Variants in TGM1 observed in about 807,000 individuals in gnomAD.
TGM1 encodes transglutaminase 1.
TGM1 carries 63 observed loss-of-function variants against 88.7 expected under a neutral mutation model. That is an observed-to-expected ratio of 0.71 (90% confidence interval 0.58 to 0.88). TGM1 has a LOEUF of 0.88. TGM1 is among the 40% of genes least tolerant of loss of function. TGM1 has a pLI of 0.00. For synonymous variants in TGM1, 415 were observed against 431.1 expected (o/e 0.96, Z 0.46); for missense variants, 996 against 1,118.0 (o/e 0.89, Z 1.56).
intron 9 of TGM1, among the ~76,000 whole-genome samples, chr14:24,256,725 G>A (rs868199187): frequency 1.1e-4 from 16 of 152,140 alleles, no homozygotes; most frequent in Non-Finnish European, 1.5e-4. Context: ...CCATCCAACC[G>A]GAAAGAATCT....
At chr14:24,251,035 C>G (rs557869173) in intron 14 of TGM1, among the ~76,000 whole-genome samples, 3 of 152,188 alleles carry the variant, frequency 2.0e-5, no homozygotes, top group African/African-American at 4.8e-5. Context: ...ACTCCCTTTT[C>G]TACCACTTGT....
intron 9 of TGM1, among the ~76,000 whole-genome samples, chr14:24,256,735 T>A (rs1211715838): frequency 6.6e-6 from 1 of 152,092 alleles, no homozygotes; most frequent in Non-Finnish European, 1.5e-5. Context: ...GGAAAGAATC[T>A]TAGACAAGAC....
At position 24,259,863 on chromosome 14, in the gene TGM1, C is replaced by A. The variant is rs41293790; in HGVS notation, c.877-52G>T. 1 of 1,609,860 alleles carries A rather than the reference C, an allele frequency of 6.2e-7. No homozygotes were observed. Among genetic ancestry groups the A allele is most frequent in the Non-Finnish European group, 8.5e-7 (1 of 1,176,988 alleles). On this transcript the variant is annotated intron_variant, in intron 5 of 14. Transcript: ENST00000206765. This position sits in a 1 kb window ranked among gnomAD's most constrained non-coding sequence, Gnocchi z 5.7. ...TGACAGCCTGAACCCTAGGCCAGCA[C>A]CCTGCTCCAATACCCCAGCCCCCAC...
In TGM1 at chr14:24,260,059, CTG is replaced by C; in HGVS notation, c.758-3_758-2del. 4.3e-6 allele frequency: 7 copies of C among 1,611,998 alleles called. No homozygotes were observed. Among genetic ancestry groups the C allele is most frequent in the Non-Finnish European group, 5.9e-6 (7 of 1,178,018 alleles). ...TCATGGTCCACGTACACAATGTCCT[CTG>C]TGTCCCCAGAACACACAAAACTGGT... On this transcript the variant is annotated splice_acceptor_variant and splice_polypyrimidine_tract_variant and intron_variant, in intron 4 of 14. Coordinates refer to ENST00000206765, the MANE Select transcript of TGM1 (RefSeq NM_000359.3). LOFTEE classifies it high-confidence loss of function.
intron 14 of TGM1, 60 bp downstream of exon 14, chr14:24,254,084 TGGGAGCCA>T: frequency 6.4e-7 from 1 of 1,563,378 alleles, no homozygotes; most frequent in Non-Finnish European, 8.7e-7. Flanking sequence ...GGAGCAAAGC[TGGGAGCCA>T]GGGCAGCCTG....
Position 24,259,589 on chromosome 14 carries a change from G to A in TGM1, c.984+115C>T. On this transcript the variant is annotated intron_variant, in intron 6 of 14. Transcript: ENST00000206765. The surrounding 1 kb of genome is among the most constrained non-coding windows in gnomAD (Gnocchi z 5.7). ...CCCTTCCTGAAGTATCCTTTACGAG[G>A]GCAGGGACAGGGCTGGGGGTTCTTG... The A allele has an allele frequency of 2.3e-6, 2 of 884,676 alleles. No individual in the cohort carries two copies. Among genetic ancestry groups the A allele is most frequent in the South Asian group, 2.8e-5 (2 of 70,870 alleles). 54.8% of individuals were successfully genotyped at this position (884,676 alleles called of 1,614,324 possible).
At position 24,260,718 on chromosome 14, in the gene TGM1, A is replaced by G. The variant is rs2040802052; in HGVS notation, c.509-20T>C. 1 of 1,613,898 alleles carries G rather than the reference A, an allele frequency of 6.2e-7. No homozygotes were observed. The highest frequency in any genetic ancestry group is 8.5e-7 in the Non-Finnish European group (1 of 1,180,010). On this transcript the variant is annotated intron_variant, in intron 3 of 14. Transcript: ENST00000206765. Reference sequence around the variant, plus strand: ...TGTTTCCTAGAGTAGGAAATCAGCAATTAGCTGGCAAGGCCTCCCTGAGGA... The same window carrying G: ...TGTTTCCTAGAGTAGGAAATCAGCAGTTAGCTGGCAAGGCCTCCCTGAGGA...
chr14:24,259,028 T>C lies in TGM1; in HGVS notation c.1159+47A>G, dbSNP rs567572671. 106 of 1,609,660 alleles carry C rather than the reference T, an allele frequency of 6.6e-5. 2 individuals carry two copies. In the South Asian group the frequency reaches 1.0e-3, roughly 15 times the overall value. On this transcript the variant is annotated intron_variant, in intron 7 of 14. Transcript: ENST00000206765. The surrounding 1 kb of genome is among the most constrained non-coding windows in gnomAD (Gnocchi z 5.7). ...GCTGGGTAAGCCTGGCTTTCCTCCC[T>C]TCTCCCTGTAGGGCCCGGGCCACTC...
In TGM1 at chr14:24,262,283, A is replaced by G; in HGVS notation, c.70T>C (p.Ser24Pro). Reference sequence around the variant, plus strand: ...TCTGGCTCTGGCTCTGGCTCTGGAGATGGCGTGGTAGGGGGCTGCAAGGGG... The same window carrying G: ...TCTGGCTCTGGCTCTGGCTCTGGAGGTGGCGTGGTAGGGGGCTGCAAGGGG... ...GNPLQPPTTPSPEPEPEPDGR... is the reference protein window; with the variant it reads ...GNPLQPPTTPPPEPEPEPDGR... The change falls in exon 2 of 15, where the codon TCT becomes CCT. Residue 24 changes from serine (S) to proline (P), a missense_variant. Coordinates refer to ENST00000206765, the MANE Select transcript of TGM1 (RefSeq NM_000359.3). 6.2e-7 allele frequency: 1 copy of G among 1,613,584 alleles called. No individual in the cohort carries two copies. The highest frequency in any genetic ancestry group is 8.5e-7 in the Non-Finnish European group (1 of 1,179,982).
rs377049923 is a variant in TGM1, at chr14:24,259,263, G to A, written c.985-14C>T. ...CAGGGAGTTCACCTGCCCAGGACAG[G>A]ATGAGATAGGGCGGAGGTGGAGGAG... On this transcript the variant is annotated splice_polypyrimidine_tract_variant and intron_variant, in intron 6 of 14. Coordinates refer to ENST00000206765, the MANE Select transcript of TGM1 (RefSeq NM_000359.3). This position sits in a 1 kb window ranked among gnomAD's most constrained non-coding sequence, Gnocchi z 5.7. 6 of 1,607,628 alleles carry A rather than the reference G, an allele frequency of 3.7e-6. No individual in the cohort carries two copies. In the African/African-American group the frequency reaches 6.7e-5, roughly 18 times the overall value.
intron 9 of TGM1, 115 bp downstream of exon 9, chr14:24,258,170 C>G: frequency 1.3e-6 from 1 of 765,340 alleles, no homozygotes; most frequent in Non-Finnish European, 2.2e-6. Context: ...TTTAAGAAGC[C>G]GCGGGGTTAC....
In TGM1 at chr14:24,256,046, C is replaced by T. The variant is rs748725054; in HGVS notation, c.1434G>A (p.Glu478=). 1.9e-6 allele frequency: 3 copies of T among 1,570,978 alleles called. No individual in the cohort carries two copies. In the African/African-American group the frequency reaches 4.1e-5, roughly 21 times the overall value. The part of the protein sequence containing the change: ...GIFCCGPCSV[E]SIKNGLVYMK... ...TGTAGACCAGGCCATTCTTGATGGA[C>T]TCCACAGAGCAGGGGCCGCAGCAGA... The change falls in exon 10 of 15, where the codon GAG becomes GAA. Residue 478 remains glutamate, a synonymous_variant. Coordinates refer to ENST00000206765, the MANE Select transcript of TGM1 (RefSeq NM_000359.3).
At position 24,259,739 on chromosome 14, in the gene TGM1, C is replaced by T. The variant is rs1326741535; in HGVS notation, c.949G>A (p.Asp317Asn). ...ATGACCCGGGAGACATTGACTGGGTCTCCACGGCCTCCATATGGCATCCCC... is the reference window on the plus strand; with the variant it reads ...ATGACCCGGGAGACATTGACTGGGTTTCCACGGCCTCCATATGGCATCCCC... ...RRGMPYGGRG[D>N]PVNVSRVISA... Residue 317 changes from aspartate (D) to asparagine (N), a missense_variant, in exon 6 of 15, where the codon GAC becomes AAC. Physicochemically the swap from Asp to Asn is conservative, Grantham distance 23. Transcript: ENST00000206765. The surrounding 1 kb of genome is among the most constrained non-coding windows in gnomAD (Gnocchi z 5.7). The T allele has an allele frequency of 1.2e-6, 2 of 1,611,982 alleles. No individual in the cohort carries two copies. Among genetic ancestry groups the T allele is most frequent in the East Asian group, 2.2e-5 (1 of 44,834 alleles).
In TGM1 at chr14:24,255,425, G is replaced by A; in HGVS notation, c.1584C>T (p.Val528=). The part of the protein sequence containing the change: ...VEEKAIGTLI[V]TKAISSNMRE... ...GCATGTTGGAGCTGATGGCCTTTGTGACAATGAGTGTGCCGATGGCCTTCT... is the reference window on the plus strand; with the variant it reads ...GCATGTTGGAGCTGATGGCCTTTGTAACAATGAGTGTGCCGATGGCCTTCT... Residue 528 remains valine, a synonymous_variant, in exon 11 of 15, where the codon GTC becomes GTT. Transcript: ENST00000206765. This position sits in a 1 kb window ranked among gnomAD's most constrained non-coding sequence, Gnocchi z 4.0. The A allele has an allele frequency of 1.2e-6, 2 of 1,614,158 alleles. No homozygotes were observed. The highest frequency in any genetic ancestry group is 1.7e-6 in the Non-Finnish European group (2 of 1,180,032).
At position 24,260,532 on chromosome 14, in the gene TGM1, G is replaced by A. The variant is rs748341131; in HGVS notation, c.675C>T (p.Arg225=). The A allele has an allele frequency of 2.4e-5, 38 of 1,614,132 alleles. 1 individual carries two copies. Among genetic ancestry groups the A allele is most frequent in the South Asian group, 2.0e-4 (18 of 91,092 alleles). Residue 225 remains arginine, a synonymous_variant, in exon 4 of 15, where the codon CGC becomes CGT. Coordinates refer to ENST00000206765, the MANE Select transcript of TGM1 (RefSeq NM_000359.3). ...GGAACTCCCCAGCGTCTGATTGTGT[G>A]CGGACTGTGAACTGAAACTTGCCGA... ...AIIGKFQFTV[R]TQSDAGEFQL...
chr14:24,259,980 G>A lies in TGM1; in HGVS notation c.836C>T (p.Thr279Ile), dbSNP rs1246165131. ...GGTCCGCTCACCAATCTGTGCTTCGGTCCCGTAGTAAATTCTCCCAGACTC... is the reference window on the plus strand; with the variant it reads ...GGTCCGCTCACCAATCTGTGCTTCGATCCCGTAGTAAATTCTCCCAGACTC... ...LNESGRIYYG[T>I]EAQIGERTWN... is the part of the protein sequence containing the mutation. The change falls in exon 5 of 15, where the codon ACC becomes ATC. Residue 279 changes from threonine to isoleucine, a missense_variant. Transcript: ENST00000206765. This position sits in a 1 kb window ranked among gnomAD's most constrained non-coding sequence, Gnocchi z 5.7. 3 of 1,614,184 alleles carry A rather than the reference G, an allele frequency of 1.9e-6. No homozygotes were observed. Among genetic ancestry groups the A allele is most frequent in the Non-Finnish European group, 2.5e-6 (3 of 1,180,026 alleles).
rs755366540 is a variant in TGM1 at position 24,259,734 on chromosome 14, TG to T, written c.953del (p.Pro318GlnfsTer12). 6.2e-7 allele frequency: 1 copy of T among 1,612,004 alleles called. No homozygotes were observed. Among genetic ancestry groups the T allele is most frequent in the Admixed American group, 1.7e-5 (1 of 59,878 alleles). On this transcript the variant is annotated frameshift_variant, in exon 6 of 15. Coordinates refer to ENST00000206765, the MANE Select transcript of TGM1 (RefSeq NM_000359.3). LOFTEE classifies it high-confidence loss of function. This position sits in a 1 kb window ranked among gnomAD's most constrained non-coding sequence, Gnocchi z 5.7. ...RGMPYGGRGDPVNVSRVISAM... is the reference protein window; with the variant it reads ...RGMPYGGRGDXVNVSRVISAM... ...CAGAGATGACCCGGGAGACATTGAC[TG>T]GGTCTCCACGGCCTCCATATGGCAT...
Position 24,254,675 on chromosome 14 carries a change from G to C in TGM1, c.2077C>G (p.Leu693Val), listed in dbSNP as rs541758953. ...QHTFRLRTPD[L>V]SLTLLGAAVV... ...CAAACTGCATTCACCGTGAGGGAGA[G>C]GTCTGGGGTGCGCAGACGGAAGGTG... is the stretch of plus-strand genomic sequence containing the variant. Residue 693 changes from leucine to valine, a missense_variant, in exon 13 of 15, where the codon CTC (leucine) becomes GTC (valine). By Grantham distance (32) the Leu-to-Val change is conservative. Transcript: ENST00000206765. The C allele has an allele frequency of 6.2e-7, 1 of 1,613,786 alleles. No individual in the cohort carries two copies. The highest frequency in any genetic ancestry group is 1.3e-5 in the African/African-American group (1 of 74,926).
At position 24,259,739 on chromosome 14, in the gene TGM1, C is replaced by A. The variant is rs1326741535; in HGVS notation, c.949G>T (p.Asp317Tyr). The change falls in exon 6 of 15, where the codon GAC becomes TAC. Residue 317 changes from aspartate (D) to tyrosine (Y), a missense_variant. Asp to Tyr is a radical substitution (Grantham distance 160). Coordinates refer to ENST00000206765, the MANE Select transcript of TGM1 (RefSeq NM_000359.3). The surrounding 1 kb of genome is among the most constrained non-coding windows in gnomAD (Gnocchi z 5.7). ...RRGMPYGGRGDPVNVSRVISA... is the reference protein window; with the variant it reads ...RRGMPYGGRGYPVNVSRVISA... ...ATGACCCGGGAGACATTGACTGGGTCTCCACGGCCTCCATATGGCATCCCC... is the reference window on the plus strand; with the variant it reads ...ATGACCCGGGAGACATTGACTGGGTATCCACGGCCTCCATATGGCATCCCC... 1 of 1,611,864 alleles carries A rather than the reference C, an allele frequency of 6.2e-7. No homozygotes were observed. Among genetic ancestry groups the A allele is most frequent in the African/African-American group, 1.3e-5 (1 of 74,846 alleles).
Sources: gnomAD v4.1 joint callset for allele counts (sites outside exome capture counted in the v4.1 genomes callset) on GRCh38, gnomAD v4.1.1 for gene constraint, Gnocchi (gnomAD v3.1) non-coding constraint, MANE v1.5 for transcripts, NCBI Gene and HGNC (gene_info 2026-07-23, HGNC 2026-07-21) for gene names.